Variants in RNASE11 observed in about 807,000 individuals in gnomAD.
The protein encoded by RNASE11 is ribonuclease A family member 11 (inactive).
For missense variants in RNASE11, 252 were observed against 237.8 expected (o/e 1.06, Z -0.39); for synonymous variants, 105 against 86.1 (o/e 1.22, Z -1.21).
exon 1 of RNASE11, chr14:20,587,617 C>G: frequency 1.0e-6 from 1 of 985,236 alleles, no homozygotes; most frequent in Non-Finnish European, 1.2e-6. Flanking sequence ...CCTGGTGACA[C>G]CCAAAATTCT....
intron 1 of RNASE11, 131 bp from the exon 3 acceptor site, chr14:20,584,627 A>G (rs1377291146): frequency 3.2e-6 from 2 of 627,446 alleles, no homozygotes; most frequent in South Asian, 2.7e-5. Flanking sequence ...GAATGGAACT[A>G]TGATATAATA....
exon 2 of RNASE11, chr14:20,584,107 C>A: frequency 6.2e-7 from 1 of 1,614,170 alleles, no homozygotes; most frequent in Non-Finnish European, 8.5e-7. Flanking sequence ...TTCTGTGGAG[C>A]TGCGGATGAA....
At chr14:20,584,202 C>T (rs200642624) in exon 2 of RNASE11, 218 of 1,614,162 alleles carry the variant, frequency 1.4e-4, no homozygotes, top group African/African-American at 2.9e-4. Context: ...TGTCATTACC[C>T]GAACTGTTTC....
chr14:20,588,865 C>T (rs1426627593), upstream of RNASE11, among the ~76,000 whole-genome samples: 2 of 152,160 alleles, frequency 1.3e-5, no homozygotes, highest in African/African-American at 2.4e-5. Context: ...CGGCTCACTG[C>T]AACCTCCACC....
intron 1 of RNASE11, among the ~76,000 whole-genome samples, chr14:20,585,310 T>C (rs903136392): frequency 2.0e-5 from 3 of 152,240 alleles, no homozygotes; most frequent in African/African-American, 2.4e-5. Context: ...TGTCTATTTA[T>C]ACCAAAACCC....
At chr14:20,584,378 C>T (rs889354104) in exon 2 of RNASE11, 12 of 1,614,004 alleles carry the variant, frequency 7.4e-6, no homozygotes, top group African/African-American at 4.0e-5. Flanking sequence ...TGCATCTCTT[C>T]GTCTGTAAAT....
intron 1 of RNASE11, chr14:20,585,111 G>A (rs1884408214): frequency 1.0e-6 from 1 of 984,714 alleles, no homozygotes. Flanking sequence ...TTTCCTGGGA[G>A]TTTCTGCTGT....
chr14:20,590,111 A>C, upstream of RNASE11: 1 of 1,241,746 alleles, frequency 8.1e-7, no homozygotes, highest in Non-Finnish European at 1.1e-6. Flanking sequence ...TTATTGAAGC[A>C]GAATAAAACA....
chr14:20,590,042 T>G, upstream of RNASE11: 1 of 721,164 alleles, frequency 1.4e-6, no homozygotes, highest in Non-Finnish European at 2.1e-6. Context: ...GACCTAGAGA[T>G]AAGGGACAAA....
At chr14:20,584,020 T>C in exon 2 of RNASE11, 3 of 1,614,206 alleles carry the variant, frequency 1.9e-6, no homozygotes, top group Non-Finnish European at 2.5e-6. Flanking sequence ...ATTTTCCAGT[T>C]CTAGGCTCTC....
upstream of RNASE11, among the ~76,000 whole-genome samples, chr14:20,589,123 C>T (rs1246302938): frequency 2.0e-5 from 3 of 150,954 alleles, no homozygotes; most frequent in Non-Finnish European, 2.9e-5. Context: ...CCCTGATGAA[C>T]AAATGTTAAA....
At chr14:20,584,579 A>G (rs1884393838) in intron 1 of RNASE11, 83 bp from the exon 3 acceptor site, 10 of 1,180,378 alleles carry the variant, frequency 8.5e-6, no homozygotes, top group South Asian at 3.4e-5. Flanking sequence ...TATTCCTGGT[A>G]GGGACCCCTA....
chr14:20,583,036 G>A (rs1445898814), downstream of RNASE11: 1 of 152,224 alleles, frequency 6.6e-6, no homozygotes, highest in African/African-American at 2.4e-5. Context: ...TAAGCAGAAT[G>A]TTGAACCACG....
upstream of RNASE11, chr14:20,590,054 A>G: frequency 1.2e-6 from 1 of 851,912 alleles, no homozygotes; most frequent in Non-Finnish European, 1.7e-6. Context: ...AGGGACAAAA[A>G]ATGGAAACAC....
intron 1 of RNASE11, 75 bp downstream of exon 2, chr14:20,587,488 T>C (rs1282881724): frequency 2.9e-6 from 2 of 686,352 alleles, no homozygotes; most frequent in African/African-American, 3.9e-5. Context: ...AAGGATGCAT[T>C]TCATCCACTT....
At chr14:20,583,936 A>G (rs1884367325) in exon 2 of RNASE11, 3 of 1,614,130 alleles carry the variant, frequency 1.9e-6, no homozygotes, top group African/African-American at 2.7e-5. Context: ...CACTGTCAAT[A>G]TCTTCTCTAA....
upstream of RNASE11, chr14:20,587,801 T>G (rs1328529140): frequency 1.0e-6 from 1 of 985,352 alleles, no homozygotes; most frequent in Non-Finnish European, 1.2e-6. Flanking sequence ...CTAAATCTGA[T>G]CAATCGCATG....
At chr14:20,589,392 T>C (rs922490965), upstream of RNASE11, among the ~76,000 whole-genome samples, 6 of 151,768 alleles carry the variant, frequency 4.0e-5, no homozygotes, top group African/African-American at 1.2e-4. Flanking sequence ...TAGCTGGGAC[T>C]ATAGGCGCCC....
In RNASE11 at chr14:20,585,094, G is replaced by T. The variant is rs1238031011; in HGVS notation, c.-22-598C>A. On this transcript the variant is annotated intron_variant, in intron 1 of 1. Coordinates refer to ENST00000553849, the Ensembl canonical transcript of RNASE11. ...TTGTTGCAGAGCTAAAAGTGAAATC[G>T]TGTTTGTTTCCTGGGAGTTTCTGCT... The T allele has an allele frequency of 5.1e-6, 5 of 985,342 alleles. No individual in the cohort carries two copies. In the South Asian group the frequency reaches 1.4e-4, roughly 28 times the overall value. The allele number at this position is 985,342 out of a possible 1,614,324, so 61.0% of individuals were successfully genotyped here.
Sources: allele counts gnomAD v4.1 joint callset (sites outside exome capture counted in the v4.1 genomes callset), GRCh38; gene constraint gnomAD v4.1.1; transcripts MANE v1.5; gene names NCBI Gene and HGNC (gene_info 2026-07-23, HGNC 2026-07-21).